The following ZCCHC14 variants were observed in gnomAD, a reference collection of about 807,000 sequenced individuals.
ZCCHC14 encodes zinc finger CCHC domain-containing protein 14.
A neutral mutation model predicts 85.0 loss-of-function variants in ZCCHC14; 16 were observed. The ratio of observed to expected loss-of-function variants is 0.19; its 90% CI spans 0.13 to 0.29. ZCCHC14 has a LOEUF of 0.29. Ranked by LOEUF, ZCCHC14 falls within the 10% of genes least tolerant of loss-of-function variation. The pLI is 1.00. For synonymous variants in ZCCHC14, 775 were observed against 630.7 expected (o/e 1.23, Z -3.43); for missense variants, 1,303 against 1,443.5 (o/e 0.90, Z 1.58).
chr16:87,480,768 C>T (rs140913603), intron 1 of ZCCHC14, among the ~76,000 whole-genome samples: 2,536 of 152,294 alleles, frequency 0.017, 25 homozygotes, highest in Middle Eastern at 0.048. Context: ...GAACACAGCA[C>T]ATAAGGTCTA....
At chr16:87,416,523 C>T (rs373626378) in intron 8 of ZCCHC14, among the ~76,000 whole-genome samples, 40 of 152,026 alleles carry the variant, frequency 2.6e-4, no homozygotes, top group African/African-American at 9.2e-4. Context: ...TTTGGGAGAC[C>T]GAGGTGGGCA....
intron 2 of ZCCHC14, among the ~76,000 whole-genome samples, chr16:87,440,197 C>G (rs1910117449): frequency 6.6e-6 from 1 of 151,566 alleles, no homozygotes; most frequent in African/African-American, 2.4e-5. Flanking sequence ...AAGAGTTTTG[C>G]TCTGTCGCCC....
At position 87,412,596 on chromosome 16, in the gene ZCCHC14, C is replaced by A. The variant is rs1339347500; in HGVS notation, c.2125G>T (p.Val709Leu). The A allele has an allele frequency of 6.2e-7, 1 of 1,614,176 alleles. No individual in the cohort carries two copies. ...TCCGAAAGCCCAGAGAGGACCTGCA[C>A]AGGCTGGTGGGGTGCGGACGCGGGC... ...VLPASAPHQP[V>L]QVLSGLSESS... Residue 709 changes from valine to leucine, a missense_variant, in exon 12 of 13, where the codon GTG (valine) becomes TTG (leucine). By Grantham distance (32) the Val-to-Leu change is conservative. This residue lies in a region of ZCCHC14 where 797 missense variants were observed against 730.8 expected (regional missense o/e 1.09). Transcript: ENST00000671377.
At chr16:87,436,577 A>G (rs888171837) in intron 2 of ZCCHC14, among the ~76,000 whole-genome samples, 6 of 152,230 alleles carry the variant, frequency 3.9e-5, no homozygotes, top group African/African-American at 1.4e-4. Flanking sequence ...CCACAACAAG[A>G]AAAAAGGCTG....
rs189100906 is a variant in ZCCHC14 at position 87,447,776 on chromosome 16, A to C, written c.694+12232T>G. On this transcript the variant is annotated intron_variant, in intron 2 of 12. Coordinates refer to ENST00000671377, the MANE Select transcript of ZCCHC14 (RefSeq NM_015144.3). Reference sequence around the variant, plus strand: ...CATTTATCACTTCATAAGAAATGCCAAATTGTTTTCTTAATGGTTGTACCA... The same window carrying C: ...CATTTATCACTTCATAAGAAATGCCCAATTGTTTTCTTAATGGTTGTACCA... 2.7e-3 allele frequency among the ~76,000 whole-genome samples: 409 copies of C among 152,348 alleles called. 1 individual carries two copies. The highest frequency in any genetic ancestry group is 8.9e-3 in the African/African-American group (370 of 41,566).
rs199974879 is a variant in ZCCHC14 at position 87,417,715 on chromosome 16, C to T, written c.1128G>A (p.Pro376=). 68 of 1,602,346 alleles carry T rather than the reference C, an allele frequency of 4.2e-5. No homozygotes were observed. Among genetic ancestry groups the T allele is most frequent in the African/African-American group, 4.0e-4 (30 of 74,866 alleles). ...GRPVCGVAGI[P]SSQSGAQHHG... Reference sequence around the variant, plus strand: ...GGTGCTGGGCTCCGCTCTGCGAGGACGGGATACCAGCCACTCCACACACAG... The same window carrying T: ...GGTGCTGGGCTCCGCTCTGCGAGGATGGGATACCAGCCACTCCACACACAG... Residue 376 remains proline (P), a synonymous_variant, in exon 8 of 13, where the codon CCG becomes CCA. Coordinates refer to ENST00000671377, the MANE Select transcript of ZCCHC14 (RefSeq NM_015144.3).
rs148962457 is a variant in ZCCHC14 at position 87,414,535 on chromosome 16, C to T, written c.1482G>A (p.Lys494=). 1.2e-6 allele frequency: 2 copies of T among 1,610,888 alleles called. No homozygotes were observed. The highest frequency in any genetic ancestry group is 1.3e-5 in the African/African-American group (1 of 75,014). The change falls in exon 10 of 13, where the codon AAG becomes AAA. Residue 494 remains lysine (K), a synonymous_variant. Coordinates refer to ENST00000671377, the MANE Select transcript of ZCCHC14 (RefSeq NM_015144.3). ...AGGGGTTCAGGCACCGTCTCTCTGACTTCTCCCTGTGAAATAATCAAGCAC... is the reference window on the plus strand; with the variant it reads ...AGGGGTTCAGGCACCGTCTCTCTGATTTCTCCCTGTGAAATAATCAAGCAC... ...LKTQLELEKE[K]SERRCLNPSA... is the part of the protein sequence containing the mutation.
At chr16:87,467,307 G>GT in intron 1 of ZCCHC14, 3 of 1,582,078 alleles carry the variant, frequency 1.9e-6, no homozygotes, top group Non-Finnish European at 2.6e-6. Context: ...CCTCAATAAT[G>GT]TAACACTGCC....
At chr16:87,467,716 A>C (rs1337455169) in intron 1 of ZCCHC14, 1 of 654,560 alleles carries the variant, frequency 1.5e-6, no homozygotes, top group Non-Finnish European at 2.7e-6. Flanking sequence ...CAGTGGTGCG[A>C]TCTTGGCTCA....
Position 87,407,410 on chromosome 16 carries a change from C to T in ZCCHC14, c.*2870G>A, listed in dbSNP as rs865820471. 10 of 152,216 alleles carry T rather than the reference C, an allele frequency of 6.6e-5. No individual in the cohort carries two copies. Among genetic ancestry groups the T allele is most frequent in the Non-Finnish European group, 1.2e-4 (8 of 68,046 alleles). 9.4% of individuals were successfully genotyped at this position (152,216 alleles called of 1,614,324 possible). On this transcript the variant is annotated 3_prime_UTR_variant, in exon 13 of 13. Transcript: ENST00000671377. ...TGCGCTAGCTCCCATTTCCTCAGTGCTCTTTAGCAATGAGTTTTTATGTTA... is the reference window on the plus strand; with the variant it reads ...TGCGCTAGCTCCCATTTCCTCAGTGTTCTTTAGCAATGAGTTTTTATGTTA...
In ZCCHC14 at chr16:87,491,176, G is replaced by A. The variant is rs1912742206; in HGVS notation, c.570+493C>T. Among the ~76,000 whole-genome samples, 1 of 152,260 alleles carries A rather than the reference G, an allele frequency of 6.6e-6. No homozygotes were observed. The highest frequency in any genetic ancestry group is 2.4e-5 in the African/African-American group (1 of 41,480). On this transcript the variant is annotated intron_variant, in intron 1 of 12. Coordinates refer to ENST00000671377, the MANE Select transcript of ZCCHC14 (RefSeq NM_015144.3). The surrounding 1 kb of genome is among the most constrained non-coding windows in gnomAD (Gnocchi z 5.9). ...AAGTGAAAGGAGGGCACCTGGGACT[G>A]TGAGCTCTGACCGCGGACGTCTCCC... is the stretch of plus-strand genomic sequence containing the variant.
At chr16:87,485,873 C>T (rs1912493523) in intron 1 of ZCCHC14, among the ~76,000 whole-genome samples, 1 of 152,070 alleles carries the variant, frequency 6.6e-6, no homozygotes. Context: ...TAAACTAAAG[C>T]CTAAGTAAAC....
intron 4 of ZCCHC14, among the ~76,000 whole-genome samples, chr16:87,422,714 C>A (rs1283466784): frequency 1.3e-5 from 2 of 150,962 alleles, no homozygotes; most frequent in East Asian, 3.9e-4. Context: ...CCAGTCTGGA[C>A]AACAGAGTGA....
intron 1 of ZCCHC14, among the ~76,000 whole-genome samples, chr16:87,463,799 C>T (rs1239390604): frequency 2.0e-5 from 3 of 152,072 alleles, no homozygotes; most frequent in East Asian, 1.9e-4. Context: ...CACTCCATCC[C>T]GGGTGACAGA....
At chr16:87,485,825 A>C (rs1428621948) in intron 1 of ZCCHC14, among the ~76,000 whole-genome samples, 1 of 152,184 alleles carries the variant, frequency 6.6e-6, no homozygotes, top group African/African-American at 2.4e-5. Context: ...GTTAATTCAA[A>C]AGGTAGATGA....
chr16:87,473,022 G>C (rs1911843071), intron 1 of ZCCHC14: 1 of 152,098 alleles, frequency 6.6e-6, no homozygotes, highest in Admixed American at 6.6e-5. Context: ...CCCAGTGTAA[G>C]AAAAAATTTA....
At chr16:87,460,915 A>G (rs540499618) in intron 1 of ZCCHC14, among the ~76,000 whole-genome samples, 32 of 152,264 alleles carry the variant, frequency 2.1e-4, no homozygotes, top group Admixed American at 1.2e-3. Flanking sequence ...ACAGTTTGAA[A>G]AAGCATATCC....
intron 2 of ZCCHC14, among the ~76,000 whole-genome samples, chr16:87,451,259 T>C (rs1177329654): frequency 2.7e-5 from 4 of 148,038 alleles, no homozygotes; most frequent in Non-Finnish European, 4.5e-5. Flanking sequence ...TGCAATGGCA[T>C]GATCCCAGCT....
intron 2 of ZCCHC14, among the ~76,000 whole-genome samples, chr16:87,450,144 G>C (rs1910627336): frequency 6.6e-6 from 1 of 152,214 alleles, no homozygotes; most frequent in Non-Finnish European, 1.5e-5. Context: ...CTTGAACTAA[G>C]AGCTGTACCA....
Sources: gnomAD v4.1 joint callset for allele counts (sites outside exome capture counted in the v4.1 genomes callset) on GRCh38, gnomAD v4.1.1 for gene constraint, gnomAD v4.1.1 regional missense constraint, Gnocchi (gnomAD v3.1) non-coding constraint, MANE v1.5 for transcripts, NCBI Gene and HGNC (gene_info 2026-07-23, HGNC 2026-07-21) for gene names.